The following MAGI2 variants were observed in gnomAD, a reference collection of about 807,000 sequenced individuals.
MAGI2 encodes the protein membrane-associated guanylate kinase, WW and PDZ domain-containing protein 2.
In MAGI2, 35 loss-of-function variants were observed where a neutral mutation model predicts 133.3. The ratio of observed to expected loss-of-function variants is 0.26; its 90% CI spans 0.20 to 0.35. The LOEUF is 0.35. MAGI2 is among the 10% of genes least tolerant of loss of function. MAGI2 has a pLI of 1.00. For missense variants in MAGI2, 1,636 were observed against 1,863.4 expected, an observed-to-expected ratio of 0.88 and a Z score of 2.25; for synonymous variants, 729 against 710.6, an observed-to-expected ratio of 1.03 and a Z score of -0.41.
At chr7:78,110,374 C>T (rs930222618) in intron 20 of MAGI2, among the ~76,000 whole-genome samples, 19 of 152,192 alleles carry the variant, frequency 1.2e-4, no homozygotes. Flanking sequence ...TACACAAAGA[C>T]ATGGGACACT....
intron 3 of MAGI2, among the ~76,000 whole-genome samples, chr7:78,556,889 C>T (rs1348174820): frequency 1.3e-5 from 2 of 150,702 alleles, no homozygotes; most frequent in East Asian, 4.0e-4. Context: ...GAGATCAAGA[C>T]CATCCTGGCT....
chr7:78,818,217 G>A (rs1789779557), intron 2 of MAGI2, among the ~76,000 whole-genome samples: 1 of 152,204 alleles, frequency 6.6e-6, no homozygotes, highest in African/African-American at 2.4e-5. Flanking sequence ...GTCTTGGCAT[G>A]TGTTTTAAGT....
rs370809243 is a variant in MAGI2 at position 78,209,221 on chromosome 7, C to CAAA, written c.2048-8031_2048-8029dup. 8.1e-3 allele frequency among the ~76,000 whole-genome samples: 86 copies of CAAA among 10,618 alleles called. 14 individuals carry two copies. Among genetic ancestry groups the CAAA allele is most frequent in the African/African-American group, 0.02 (62 of 3,130 alleles). The allele number at this position is 10,618 out of a possible 152,430, so 7.0% of individuals were successfully genotyped here. ...TGGGCGACAGAGCAAGACTCTGTCT[C>CAAA]AAAAAAAAAAAAAAAAAAAAAAAAG... On this transcript the variant is annotated intron_variant, in intron 10 of 21. Transcript: ENST00000354212.
intron 21 of MAGI2, chr7:78,078,398 A>AC (rs1003751071): frequency 6.4e-6 from 1 of 157,328 alleles, no homozygotes; most frequent in Non-Finnish European, 1.4e-5. Context: ...TCAAAAGCAT[A>AC]CAGAAACACA....
chr7:79,324,986 C>G (rs1839579776), intron 1 of MAGI2, among the ~76,000 whole-genome samples: 1 of 151,768 alleles, frequency 6.6e-6, no homozygotes, highest in Non-Finnish European at 1.5e-5. Context: ...ATCATAACCT[C>G]TTAAATATTT....
chr7:78,686,389 G>A (rs1213933870), intron 2 of MAGI2, among the ~76,000 whole-genome samples: 3 of 152,074 alleles, frequency 2.0e-5, no homozygotes, highest in African/African-American at 7.2e-5. Flanking sequence ...CCATCACCAT[G>A]GCTACCTTTC....
intron 2 of MAGI2, among the ~76,000 whole-genome samples, chr7:78,738,141 T>G (rs989486733): frequency 3.3e-5 from 5 of 152,162 alleles, no homozygotes; most frequent in Non-Finnish European, 7.4e-5. Flanking sequence ...ATATCTCATA[T>G]TAAGATACTT....
Position 79,324,867 on chromosome 7 carries a change from C to T in MAGI2, c.301+128153G>A, listed in dbSNP as rs143653544. 3.9e-4 allele frequency among the ~76,000 whole-genome samples: 58 copies of T among 150,336 alleles called. No individual in the cohort carries two copies. The East Asian group carries it at 0.011, about 28-fold the overall frequency. On this transcript the variant is annotated intron_variant, in intron 1 of 21. Transcript: ENST00000354212. ...TCGTCCTTCAGAGTACAACAAAATG[C>T]CTTTTCAGTATACAAAGAAACAAAC...
At chr7:78,759,538 G>A (rs1219414958) in intron 2 of MAGI2, among the ~76,000 whole-genome samples, 8 of 152,126 alleles carry the variant, frequency 5.3e-5, no homozygotes, top group South Asian at 4.1e-4. Context: ...TTCTCTAGAT[G>A]TGAATGTTAA....
At chr7:78,361,077 C>T (rs910738252) in intron 7 of MAGI2, among the ~76,000 whole-genome samples, 1 of 148,830 alleles carries the variant, frequency 6.7e-6, no homozygotes, top group East Asian at 2.1e-4. Flanking sequence ...AGTGCCTAAA[C>T]AAGGGCCTGA....
intron 21 of MAGI2, among the ~76,000 whole-genome samples, chr7:78,062,335 C>A (rs1346809641): frequency 6.6e-6 from 1 of 152,156 alleles, no homozygotes; most frequent in East Asian, 1.9e-4. Flanking sequence ...TAGAGAGGTC[C>A]ATGGAGTAGC....
chr7:78,656,141 G>C (rs968991481), intron 2 of MAGI2, among the ~76,000 whole-genome samples: 1 of 152,050 alleles, frequency 6.6e-6, no homozygotes, highest in African/African-American at 2.4e-5. Flanking sequence ...CAAAAACAAG[G>C]ACTTATGTAC....
At chr7:78,821,656 A>T (rs1790127373) in intron 2 of MAGI2, among the ~76,000 whole-genome samples, 1 of 152,036 alleles carries the variant, frequency 6.6e-6, no homozygotes, top group Admixed American at 6.5e-5. Flanking sequence ...AACTATTTAA[A>T]GTGTAGTTTA....
chr7:78,040,650 G>A (rs1165848654), intron 21 of MAGI2, among the ~76,000 whole-genome samples: 1 of 152,152 alleles, frequency 6.6e-6, no homozygotes, highest in African/African-American at 2.4e-5. Flanking sequence ...CGCACCCGGG[G>A]CAGGTCACCT....
intron 1 of MAGI2, among the ~76,000 whole-genome samples, chr7:79,015,132 G>C (rs1808555913): frequency 6.6e-6 from 1 of 151,958 alleles, no homozygotes; most frequent in Non-Finnish European, 1.5e-5. Flanking sequence ...AAAAACATTT[G>C]ACATTATTTT....
intron 1 of MAGI2, among the ~76,000 whole-genome samples, chr7:79,028,614 T>C (rs1039376534): frequency 2.0e-5 from 3 of 152,014 alleles, no homozygotes; most frequent in Non-Finnish European, 4.4e-5. Flanking sequence ...TCCACATTTG[T>C]AACAAAATTA....
chr7:78,223,228 A>G (rs1453442938), intron 10 of MAGI2, among the ~76,000 whole-genome samples: 1 of 152,176 alleles, frequency 6.6e-6, no homozygotes, highest in Non-Finnish European at 1.5e-5. Context: ...TTTTAGGAAG[A>G]TTAGAAAAAC....
intron 2 of MAGI2, among the ~76,000 whole-genome samples, chr7:78,928,782 C>A (rs918190871): frequency 1.3e-5 from 2 of 151,850 alleles, no homozygotes; most frequent in Admixed American, 1.3e-4. Context: ...CAGCAATGGT[C>A]ATTATTTATA....
At chr7:78,684,621 A>ATTT (rs1225056897) in intron 2 of MAGI2, among the ~76,000 whole-genome samples, 1 of 152,090 alleles carries the variant, frequency 6.6e-6, no homozygotes, top group African/African-American at 2.4e-5. Context: ...TCTGGTTGAT[A>ATTT]TTTACTTCTG....
Sources: allele counts gnomAD v4.1 joint callset (sites outside exome capture counted in the v4.1 genomes callset), GRCh38; gene constraint gnomAD v4.1.1; transcripts MANE v1.5; gene names NCBI Gene and HGNC (gene_info 2026-07-23, HGNC 2026-07-21).